PUM1: variants seen among roughly 807,000 people sequenced by gnomAD.
PUM1 encodes pumilio RNA binding family member 1.
Under a neutral mutation model 131.8 loss-of-function variants are expected in PUM1, and 13 were observed. The observed-to-expected ratio is 0.10, with a 90% CI of 0.06 to 0.16. The LOEUF (loss-of-function observed/expected upper bound fraction) is 0.16. Ranked by LOEUF, PUM1 falls within the 10% of genes least tolerant of loss-of-function variation. PUM1 has a pLI of 1.00. For missense variants in PUM1, 961 were observed against 1,512.4 expected, an observed-to-expected ratio of 0.64 and a Z score of 6.05; for synonymous variants, 509 against 556.5, an observed-to-expected ratio of 0.91 and a Z score of 1.20.
chr1:30,957,967 G>A (rs1240737504), intron 14 of PUM1, among the ~76,000 whole-genome samples: 3 of 152,158 alleles, frequency 2.0e-5, no homozygotes, highest in Non-Finnish European at 2.9e-5. Context: ...TCCAAAATAC[G>A]TTAATTGTCA....
At chr1:31,035,110 T>C (rs1265639729) in intron 2 of PUM1, among the ~76,000 whole-genome samples, 8 of 152,206 alleles carry the variant, frequency 5.3e-5, no homozygotes, top group African/African-American at 1.4e-4. Flanking sequence ...CCTGATCCCA[T>C]AAATACTTTA....
At chr1:31,055,313 C>A in intron 2 of PUM1, 1 of 456,054 alleles carries the variant, frequency 2.2e-6, no homozygotes, top group South Asian at 1.5e-5. Flanking sequence ...ACTCCTTTAC[C>A]TGAGCGCAAA....
chr1:30,951,054 C>T (rs779510682), intron 16 of PUM1, among the ~76,000 whole-genome samples: 4 of 152,146 alleles, frequency 2.6e-5, no homozygotes, highest in Admixed American at 2.6e-4. Flanking sequence ...AATGATTTTC[C>T]ATCCTTGGCT....
chr1:31,035,533 C>T (rs1206827718), intron 2 of PUM1, among the ~76,000 whole-genome samples: 8 of 152,068 alleles, frequency 5.3e-5, no homozygotes, highest in Admixed American at 5.2e-4. Flanking sequence ...GGGCGGATCA[C>T]CTGAGGTCAG....
In PUM1 at chr1:30,992,649, C is replaced by T. The variant is rs1250904888; in HGVS notation, c.899G>A (p.Gly300Asp). The change falls in exon 7 of 22, where the codon GGT becomes GAT. Residue 300 changes from glycine to aspartate, a missense_variant. Gly to Asp is a moderately conservative substitution (Grantham distance 94). Around this residue, in one of 4 missense-constraint regions of PUM1, gnomAD observed 654 missense variants for 923.9 expected, o/e 0.71. Transcript: ENST00000426105. ...ADVKDFSRTPGNCQNSANEVD... is the reference protein window; with the variant it reads ...ADVKDFSRTPDNCQNSANEVD... ...TTCATTAGCAGAGTTCTGGCAATTA[C>T]CAGGGGTACGGCTAAACAGAGAAAG... is the stretch of plus-strand genomic sequence containing the variant. The T allele has an allele frequency of 6.2e-7, 1 of 1,613,156 alleles. No homozygotes were observed. Among genetic ancestry groups the T allele is most frequent in the Admixed American group, 1.7e-5 (1 of 59,942 alleles).
At chr1:31,053,475 C>T (rs1484344366) in intron 2 of PUM1, among the ~76,000 whole-genome samples, 1 of 148,660 alleles carries the variant, frequency 6.7e-6, no homozygotes, top group Non-Finnish European at 1.5e-5. Flanking sequence ...CTTTGGGAGG[C>T]CTTTTTTTTT....
At chr1:31,003,614 G>A (rs149445946) in intron 5 of PUM1, among the ~76,000 whole-genome samples, 135 of 152,128 alleles carry the variant, frequency 8.9e-4, no homozygotes, top group African/African-American at 2.9e-3. Flanking sequence ...AAAATTACCC[G>A]GGCATGGTGG....
At chr1:31,000,123 T>G (rs1642152953) in intron 5 of PUM1, among the ~76,000 whole-genome samples, 1 of 152,210 alleles carries the variant, frequency 6.6e-6, no homozygotes, top group South Asian at 2.1e-4. Context: ...ATAGCTCGGG[T>G]AAGTATCCAC....
intron 14 of PUM1, among the ~76,000 whole-genome samples, chr1:30,963,868 A>G (rs1302029089): frequency 6.6e-6 from 1 of 152,222 alleles, no homozygotes; most frequent in Non-Finnish European, 1.5e-5. Context: ...TACATCTAGC[A>G]TTCAATTTTC....
intron 3 of PUM1, among the ~76,000 whole-genome samples, chr1:31,014,953 C>A (rs1303084501): frequency 6.6e-6 from 1 of 152,062 alleles, no homozygotes; most frequent in Admixed American, 6.6e-5. Flanking sequence ...CATAGTGAGA[C>A]CCTGTCTCTT....
intron 16 of PUM1, among the ~76,000 whole-genome samples, chr1:30,950,982 T>C (rs1012478781): frequency 6.6e-6 from 1 of 152,202 alleles, no homozygotes; most frequent in Non-Finnish European, 1.5e-5. Flanking sequence ...GTAACAGAGT[T>C]GGGAGGGGAA....
At chr1:31,048,141 A>G (rs1223925277) in intron 2 of PUM1, among the ~76,000 whole-genome samples, 1 of 151,866 alleles carries the variant, frequency 6.6e-6, no homozygotes, top group Non-Finnish European at 1.5e-5. Flanking sequence ...CGGGAGGCTG[A>G]GGCAGGAGAA....
chr1:30,934,818 C>T (rs976648376), intron 21 of PUM1, among the ~76,000 whole-genome samples: 2 of 152,114 alleles, frequency 1.3e-5, no homozygotes, highest in African/African-American at 4.8e-5. Context: ...CAGAACAAAA[C>T]AAAACAAAAA....
intron 5 of PUM1, among the ~76,000 whole-genome samples, chr1:30,995,512 T>G (rs1222476791): frequency 1.3e-5 from 2 of 152,188 alleles, no homozygotes; most frequent in African/African-American, 4.8e-5. Flanking sequence ...TCCTTTTTTT[T>G]CTTCCTACCC....
Position 30,985,851 on chromosome 1 carries a change from G to A in PUM1, c.1159-4446C>T, listed in dbSNP as rs187400947. On this transcript the variant is annotated intron_variant, in intron 7 of 21. Coordinates refer to ENST00000426105, the MANE Select transcript of PUM1 (RefSeq NM_001020658.2). Reference sequence around the variant, plus strand: ...AACTCCACCTATTAAAAGGCCCTGCGTTTCTAATACAAAGTTCAAAAGAGA... The same window carrying A: ...AACTCCACCTATTAAAAGGCCCTGCATTTCTAATACAAAGTTCAAAAGAGA... 1.4e-4 allele frequency among the ~76,000 whole-genome samples: 21 copies of A among 152,082 alleles called. No homozygotes were observed. The South Asian group carries it at 1.7e-3, about 12-fold the overall frequency.
chr1:30,933,008 T>A lies in PUM1; in HGVS notation c.*203A>T. The A allele has an allele frequency of 1.8e-6, 1 of 546,660 alleles. No individual in the cohort carries two copies. The highest frequency in any genetic ancestry group is 3.1e-6 in the Non-Finnish European group (1 of 326,868). The allele number at this position is 546,660 out of a possible 1,614,324, so 33.9% of individuals were successfully genotyped here. A position where few individuals can be genotyped will look rare whatever the true frequency, so the allele number is the denominator to read the frequency against. On this transcript the variant is annotated 3_prime_UTR_variant, in exon 22 of 22. Transcript: ENST00000426105. ...AGGGCAATTAGTCAATTAAAAAAAA[T>A]AGTACATGTTATGTGTAATAAAATT...
chr1:31,053,981 C>T lies in PUM1; in HGVS notation c.363+5223G>A, dbSNP rs191005359. Among the ~76,000 whole-genome samples the T allele has an allele frequency of 4.6e-4, 69 of 150,168 alleles. No homozygotes were observed. The East Asian group carries it at 0.013, about 28-fold the overall frequency. On this transcript the variant is annotated intron_variant, in intron 2 of 21. Transcript: ENST00000426105. ...TGGTGGTGCACACTTGTAGTCCCAGCTACTGGGGAGACTGAGGCAGGAGAA... is the reference window on the plus strand; with the variant it reads ...TGGTGGTGCACACTTGTAGTCCCAGTTACTGGGGAGACTGAGGCAGGAGAA...
intron 17 of PUM1, among the ~76,000 whole-genome samples, chr1:30,948,756 G>T (rs967215763): frequency 1.3e-5 from 2 of 151,688 alleles, no homozygotes; most frequent in African/African-American, 2.4e-5. Flanking sequence ...TCTCCAAAAA[G>T]AAAGAAAGAA....
At position 31,034,986 on chromosome 1, in the gene PUM1, T is replaced by C. The variant is rs144601269; in HGVS notation, c.364-6122A>G. Among the ~76,000 whole-genome samples the C allele has an allele frequency of 5.2e-3, 793 of 152,288 alleles. 6 individuals are homozygous for C. Among genetic ancestry groups the C allele is most frequent in the African/African-American group, 0.018 (732 of 41,556 alleles). On this transcript the variant is annotated intron_variant, in intron 2 of 21. Coordinates refer to ENST00000426105, the MANE Select transcript of PUM1 (RefSeq NM_001020658.2). ...AAGAGAATATAAGAATTAATCTAATTTGAATTTAATCAACAAAGGGAAAAA... is the reference window on the plus strand; with the variant it reads ...AAGAGAATATAAGAATTAATCTAATCTGAATTTAATCAACAAAGGGAAAAA...
Sources: allele counts gnomAD v4.1 joint callset (sites outside exome capture counted in the v4.1 genomes callset), GRCh38; gene constraint gnomAD v4.1.1; regional missense constraint gnomAD v4.1.1; transcripts MANE v1.5; gene names NCBI Gene and HGNC (gene_info 2026-07-23, HGNC 2026-07-21).